Variants in HP observed in about 807,000 individuals in gnomAD.
HP encodes haptoglobin alpha(1S)-beta.
Under a neutral mutation model 23.2 loss-of-function variants are expected in HP, and 9 were observed. That is an observed-to-expected ratio of 0.39 (90% CI 0.23 to 0.68). The LOEUF (loss-of-function observed/expected upper bound fraction) is 0.68. Among genes scored for constraint, HP ranks in the 30% least tolerant of loss-of-function variants. The pLI is 0.47. For missense variants in HP, 433 were observed against 483.6 expected, an observed-to-expected ratio of 0.90 and a Z score of 0.98; for synonymous variants, 155 against 183.3, an observed-to-expected ratio of 0.85 and a Z score of 1.25.
chr16:72,060,001 T>G, intron 6 of HP, 111 bp from the exon 7 acceptor site: 1 of 1,546,752 alleles, frequency 6.5e-7, no homozygotes, highest in South Asian at 1.2e-5. Context: ...GCAAAGCATT[T>G]AAATCTTTCT....
chr16:72,055,728 G>A, intron 1 of HP: 1 of 264,200 alleles, frequency 3.8e-6, no homozygotes, highest in Non-Finnish European at 7.6e-6. Flanking sequence ...TAAGCCCAAA[G>A]TTCCCATCTC....
At position 72,060,227 on chromosome 16, in the gene HP, C is replaced by T. The variant is rs760730304; in HGVS notation, c.558C>T (p.Thr186=). Residue 186 remains threonine, a synonymous_variant, in exon 7 of 7, where the codon ACC becomes ACT. Coordinates refer to ENST00000355906, the MANE Select transcript of HP (RefSeq NM_005143.5). ...QAKMVSHHNL[T]TGATLINEQW... ...AGATGGTTTCCCACCATAATCTCAC[C>T]ACAGGTGCCACGCTGATCAATGAAC... 30 of 1,614,170 alleles carry T rather than the reference C, an allele frequency of 1.9e-5. No individual in the cohort carries two copies. The highest frequency in any genetic ancestry group is 2.5e-5 in the Non-Finnish European group (29 of 1,180,036).
At position 72,054,706 on chromosome 16, in the gene HP, G is replaced by C. The variant is rs757270639; in HGVS notation, c.5+49G>C. On this transcript the variant is annotated intron_variant, in intron 1 of 6. Transcript: ENST00000355906. Reference sequence around the variant, plus strand: ...GCCTTTCCTCTGGTTCTTTATTTCAGTCTTTTTTGCATACATCGGTAGAGA... The same window carrying C: ...GCCTTTCCTCTGGTTCTTTATTTCACTCTTTTTTGCATACATCGGTAGAGA... 24 of 1,611,920 alleles carry C rather than the reference G, an allele frequency of 1.5e-5. No homozygotes were observed. In the South Asian group the frequency reaches 2.5e-4, roughly 17 times the overall value.
rs2041524885 is a variant in HP at position 72,060,419 on chromosome 16, C to G, written c.750C>G (p.Ile250Met). The change falls in exon 7 of 7, where the codon ATC (isoleucine) becomes ATG (methionine). Residue 250 changes from isoleucine to methionine, a missense_variant. This residue lies in a region of HP where 326 missense variants were observed against 358.1 expected (regional missense o/e 0.91). Transcript: ENST00000355906. ...PNYSQVDIGL[I>M]KLKQKVSVNE... ...ACTCCCAGGTAGATATTGGGCTCAT[C>G]AAACTCAAACAGAAGGTGTCTGTTA... The G allele has an allele frequency of 2.5e-6, 4 of 1,614,076 alleles. No individual in the cohort carries two copies. Among genetic ancestry groups the G allele is most frequent in the Non-Finnish European group, 3.4e-6 (4 of 1,180,040 alleles).
chr16:72,059,920 T>G (rs1011241965), intron 6 of HP, 192 bp from the exon 7 acceptor site: 1 of 1,325,222 alleles, frequency 7.5e-7, no homozygotes, highest in Non-Finnish European at 1.0e-6. Flanking sequence ...CTTTTTGTAA[T>G]GTAAACAATT....
chr16:72,056,763 T>C (rs1889078520), intron 3 of HP, 132 bp downstream of exon 3: 4 of 431,786 alleles, frequency 9.3e-6, no homozygotes, highest in Non-Finnish European at 1.5e-5. Context: ...TAGATTCTAA[T>C]AAGCGTTTTG....
intron 1 of HP, 104 bp from the exon 2 acceptor site, chr16:72,056,057 G>C: frequency 6.8e-7 from 1 of 1,464,780 alleles, no homozygotes; most frequent in Non-Finnish European, 9.5e-7. Context: ...GTGTGTGTAT[G>C]CATGTGTGTG....
intron 1 of HP, chr16:72,054,924 C>G: frequency 1.6e-6 from 1 of 640,306 alleles, no homozygotes; most frequent in Non-Finnish European, 2.7e-6. Context: ...ATGTCATCAG[C>G]TCCCGTGGTA....
At chr16:72,059,824 T>C (rs1303564977) in intron 6 of HP, 2 of 584,746 alleles carry the variant, frequency 3.4e-6, no homozygotes, top group East Asian at 6.4e-5. Context: ...ATTGGGATAA[T>C]TGTTTAAATA....
rs371304177 is a variant in HP, at chr16:72,060,781, C to T, written c.1112C>T (p.Ala371Val). 23 of 1,613,978 alleles carry T rather than the reference C, an allele frequency of 1.4e-5. No individual in the cohort carries two copies. In the African/African-American group the frequency reaches 1.6e-4, roughly 11 times the overall value. ...GACCTGGAGGAGGACACCTGGTATGCGACTGGGATCTTAAGCTTTGATAAG... is the reference window on the plus strand; with the variant it reads ...GACCTGGAGGAGGACACCTGGTATGTGACTGGGATCTTAAGCTTTGATAAG... ...VHDLEEDTWYATGILSFDKSC... is the reference protein window; with the variant it reads ...VHDLEEDTWYVTGILSFDKSC... Residue 371 changes from alanine to valine, a missense_variant, in exon 7 of 7, where the codon GCG (alanine) becomes GTG (valine). By Grantham distance (64) the Ala-to-Val change is moderately conservative. This residue lies in a region of HP where 326 missense variants were observed against 358.1 expected (regional missense o/e 0.91). Transcript: ENST00000355906.
At position 72,054,530 on chromosome 16, in the gene HP, G is replaced by C. The variant is rs920397881; in HGVS notation, c.-123G>C. The C allele has an allele frequency of 2.2e-5, 34 of 1,571,856 alleles. No individual in the cohort carries two copies. In the African/African-American group the frequency reaches 3.7e-4, roughly 17 times the overall value. ...ACTGGAAAAGATAGTGACCTTACCA[G>C]GGCCAAAGTTTGTAGACACAGGAAT... is the stretch of plus-strand genomic sequence containing the variant. On this transcript the variant is annotated 5_prime_UTR_variant, in exon 1 of 7. Transcript: ENST00000355906.
chr16:72,054,745 C>G, intron 1 of HP, 88 bp downstream of exon 1: 3 of 1,604,254 alleles, frequency 1.9e-6, no homozygotes, highest in Non-Finnish European at 2.6e-6. Context: ...AGAAATAGAA[C>G]AAAGAAACGG....
intron 1 of HP, 192 bp from the exon 2 acceptor site, chr16:72,055,969 G>C: frequency 1.0e-6 from 1 of 982,002 alleles, no homozygotes; most frequent in Admixed American, 2.1e-5. Context: ...AGTGTGTATG[G>C]GCAGGTGTGG....
At chr16:72,054,683 CT>C (rs746765917) in intron 1 of HP, 26 bp downstream of exon 1, 1 of 1,612,356 alleles carries the variant, frequency 6.2e-7, no homozygotes, top group Non-Finnish European at 8.5e-7. Context: ...TCCCTCCTGC[CT>C]TTCCTCTGGT....
chr16:72,055,972 A>T (rs1162898255), intron 1 of HP, 189 bp from the exon 2 acceptor site: 1 of 1,002,558 alleles, frequency 1.0e-6, no homozygotes, highest in Non-Finnish European at 1.5e-6. Context: ...GTGTATGGGC[A>T]GGTGTGGGGG....
intron 1 of HP, chr16:72,055,871 T>A: frequency 2.3e-6 from 1 of 444,040 alleles, no homozygotes; most frequent in Non-Finnish European, 4.3e-6. Context: ...CCTCCACCTA[T>A]GTGCCTTTCT....
At position 72,058,791 on chromosome 16, in the gene HP, G is replaced by T. The variant is rs1185920270; in HGVS notation, c.368-323G>T. On this transcript the variant is annotated intron_variant, in intron 5 of 6. Coordinates refer to ENST00000355906, the MANE Select transcript of HP (RefSeq NM_005143.5). ...TCACTTTGCTGATAAGGAAACTGAGGCACAGACAGGTTGAGTATCTTGCCC... is the reference window on the plus strand; with the variant it reads ...TCACTTTGCTGATAAGGAAACTGAGTCACAGACAGGTTGAGTATCTTGCCC... 4 of 381,918 alleles carry T rather than the reference G, an allele frequency of 1.0e-5. No individual in the cohort carries two copies. In the Admixed American group the frequency reaches 1.2e-4, roughly 11 times the overall value. The allele number at this position is 381,918 out of a possible 1,614,324, so 23.7% of individuals were successfully genotyped here. A position where few individuals can be genotyped will look rare whatever the true frequency, so the allele number is the denominator to read the frequency against.
Position 72,060,386 on chromosome 16 carries a change from C to T in HP, c.717C>T (p.His239=), listed in dbSNP as rs776435847. 5.0e-6 allele frequency: 8 copies of T among 1,614,134 alleles called. No homozygotes were observed. In the East Asian group the frequency reaches 1.6e-4, roughly 31 times the overall value. The change falls in exon 7 of 7, where the codon CAC becomes CAT. Residue 239 remains histidine, a synonymous_variant. Transcript: ENST00000355906. ...TAGAGATTGAGAAGGTTGTTCTACA[C>T]CCTAACTACTCCCAGGTAGATATTG... ...QLVEIEKVVL[H]PNYSQVDIGL... is the part of the protein sequence containing the mutation.
Position 72,060,798 on chromosome 16 carries a change from T to G in HP, c.1129T>G (p.Phe377Val), listed in dbSNP as rs2041534007. ...CTGGTATGCGACTGGGATCTTAAGCTTTGATAAGAGCTGTGCTGTGGCTGA... is the reference window on the plus strand; with the variant it reads ...CTGGTATGCGACTGGGATCTTAAGCGTTGATAAGAGCTGTGCTGTGGCTGA... ...DTWYATGILS[F>V]DKSCAVAEYG... The change falls in exon 7 of 7, where the codon TTT (phenylalanine) becomes GTT (valine). Residue 377 changes from phenylalanine (F) to valine (V), a missense_variant. By Grantham distance (50) the Phe-to-Val change is conservative (BLOSUM62 -1). Around this residue, in one of 3 missense-constraint regions of HP, gnomAD observed 326 missense variants for 358.1 expected, o/e 0.91. Transcript: ENST00000355906. 6.2e-7 allele frequency: 1 copy of G among 1,614,040 alleles called. No homozygotes were observed. The highest frequency in any genetic ancestry group is 2.2e-5 in the East Asian group (1 of 44,864).
Sources: allele counts gnomAD v4.1 joint callset, GRCh38; gene constraint gnomAD v4.1.1; regional missense constraint gnomAD v4.1.1; transcripts MANE v1.5; gene names NCBI Gene and HGNC (gene_info 2026-07-23, HGNC 2026-07-21).